Variants in LRMDA observed in about 807,000 individuals in gnomAD.
LRMDA encodes the protein leucine-rich melanocyte differentiation-associated protein.
LRMDA carries 18 observed loss-of-function variants against 29.8 expected under a neutral mutation model. That is an observed-to-expected ratio of 0.60 (90% confidence interval 0.42 to 0.90). The LOEUF (loss-of-function observed/expected upper bound fraction) is 0.90, where lower values mean the gene tolerates loss of function less well. LRMDA is among the 40% of genes least tolerant of loss of function. The probability of loss-of-function intolerance (pLI) is 0.00; values close to 1 mark genes in which losing one functional copy is unlikely to be tolerated. For missense variants in LRMDA, 273 were observed against 273.9 expected (o/e 1.00, Z 0.02); for synonymous variants, 125 against 109.4 (o/e 1.14, Z -0.89).
At chr10:76,477,210 A>T (rs1371105945) in intron 6 of LRMDA, among the ~76,000 whole-genome samples, 7 of 152,114 alleles carry the variant, frequency 4.6e-5, no homozygotes, top group Admixed American at 4.6e-4. Flanking sequence ...AAGTCTCAGG[A>T]TACAAAATCA....
intron 5 of LRMDA, among the ~76,000 whole-genome samples, chr10:76,213,310 A>C (rs777951824): frequency 2.0e-5 from 3 of 152,204 alleles, no homozygotes; most frequent in Non-Finnish European, 4.4e-5. Context: ...CAAGTTGTGA[A>C]TGGAAGATGC....
chr10:76,054,465 G>A (rs1013051349), intron 4 of LRMDA, among the ~76,000 whole-genome samples: 2 of 151,930 alleles, frequency 1.3e-5, no homozygotes, highest in African/African-American at 4.8e-5. Context: ...TTTGATTTCA[G>A]GGCTGTGATC....
At chr10:76,216,083 G>A (rs1480240673) in intron 5 of LRMDA, among the ~76,000 whole-genome samples, 1 of 152,224 alleles carries the variant, frequency 6.6e-6, no homozygotes, top group African/African-American at 2.4e-5. Context: ...GCCAAATGTG[G>A]TGGCTCATGC....
At chr10:76,160,120 C>T (rs1338624396) in intron 5 of LRMDA, among the ~76,000 whole-genome samples, 1 of 151,852 alleles carries the variant, frequency 6.6e-6, no homozygotes, top group Non-Finnish European at 1.5e-5. Context: ...ATGTATGTAT[C>T]CCCCCATTTC....
At chr10:76,240,220 A>G (rs1352803173) in intron 5 of LRMDA, among the ~76,000 whole-genome samples, 1 of 151,058 alleles carries the variant, frequency 6.6e-6, no homozygotes, top group Non-Finnish European at 1.5e-5. Flanking sequence ...CCACACACAC[A>G]CATACGCACA....
chr10:76,359,544 C>T (rs1841284279), intron 6 of LRMDA, among the ~76,000 whole-genome samples: 1 of 152,180 alleles, frequency 6.6e-6, no homozygotes, highest in Non-Finnish European at 1.5e-5. Context: ...ACCCAGGCCT[C>T]CGGTTTCCTC....
intron 2 of LRMDA, among the ~76,000 whole-genome samples, chr10:75,496,982 C>T (rs1845051992): frequency 6.6e-6 from 1 of 151,796 alleles, no homozygotes. Context: ...GAACTCCTGG[C>T]CTAGCTTTTT....
At chr10:75,439,491 ACAACT>A (rs758723688) in intron 2 of LRMDA, among the ~76,000 whole-genome samples, 8 of 152,214 alleles carry the variant, frequency 5.3e-5, no homozygotes, top group Non-Finnish European at 8.8e-5. Context: ...AAAATGGAAC[ACAACT>A]CTGGAAAATG....
rs142563981 is a variant in LRMDA at position 76,173,581 on chromosome 10, C to T, written c.516+114798C>T. On this transcript the variant is annotated intron_variant, in intron 5 of 6. Transcript: ENST00000611255. ...AACTTTATGCCAATAAGTTTGACAA[C>T]TTGGATAAAATGGACAGATTTCTTC... Among the ~76,000 whole-genome samples, 158 of 152,282 alleles carry T rather than the reference C, an allele frequency of 1.0e-3. 3 individuals are homozygous for T. In the East Asian group the frequency reaches 0.028, roughly 27 times the overall value.
rs545623181 is a variant in LRMDA at position 75,569,150 on chromosome 10, T to C, written c.131+130656T>C. Among the ~76,000 whole-genome samples the C allele has an allele frequency of 2.6e-5, 4 of 152,300 alleles. No individual in the cohort carries two copies. The South Asian group carries it at 8.3e-4, about 32-fold the overall frequency. On this transcript the variant is annotated intron_variant, in intron 2 of 6. Transcript: ENST00000611255. ...GCCCACAACTCCTGGGACTCTTTCTTTTTTCTCTCTTTCTCTGTATTGTCA... is the reference window on the plus strand; with the variant it reads ...GCCCACAACTCCTGGGACTCTTTCTCTTTTCTCTCTTTCTCTGTATTGTCA...
intron 6 of LRMDA, among the ~76,000 whole-genome samples, chr10:76,334,253 A>G (rs1270829909): frequency 1.3e-5 from 2 of 152,228 alleles, no homozygotes; most frequent in African/African-American, 4.8e-5. Flanking sequence ...AGCTCGGCCC[A>G]GTATTAACTT....
At chr10:76,523,748 T>A (rs1242949527) in intron 6 of LRMDA, among the ~76,000 whole-genome samples, 2 of 152,204 alleles carry the variant, frequency 1.3e-5, no homozygotes, top group Non-Finnish European at 1.5e-5. Flanking sequence ...CTCAGTTAAA[T>A]CTTGAGCACC....
rs893936108 is a variant in LRMDA, at chr10:76,009,794, T to C, written c.132-26214T>C. Among the ~76,000 whole-genome samples the C allele has an allele frequency of 6.6e-5, 10 of 152,060 alleles. No homozygotes were observed. In the East Asian group the frequency reaches 1.7e-3, roughly 26 times the overall value. ...TCCCAGTCTGACTTCAGCTGCCGAG[T>C]CATCAGTCCTGACAGACGGCTGCCT... On this transcript the variant is annotated intron_variant, in intron 2 of 6. Coordinates refer to ENST00000611255, the MANE Select transcript of LRMDA (RefSeq NM_001305581.2).
At chr10:75,443,694 T>C (rs1041281707) in intron 2 of LRMDA, among the ~76,000 whole-genome samples, 2 of 152,206 alleles carry the variant, frequency 1.3e-5, no homozygotes, top group African/African-American at 4.8e-5. Flanking sequence ...AGGACAATGT[T>C]GGTCTTGTTA....
At chr10:75,931,397 A>G (rs1846203195) in intron 2 of LRMDA, among the ~76,000 whole-genome samples, 1 of 152,200 alleles carries the variant, frequency 6.6e-6, no homozygotes, top group Non-Finnish European at 1.5e-5. Flanking sequence ...AGTGTTTCAT[A>G]TTAAAGGCTC....
chr10:75,815,176 C>G (rs1253272903), intron 2 of LRMDA, among the ~76,000 whole-genome samples: 1 of 152,130 alleles, frequency 6.6e-6, no homozygotes, highest in Non-Finnish European at 1.5e-5. Flanking sequence ...GAAATGGAGC[C>G]TCCTCACAGG....
chr10:76,323,394 C>T (rs1840795697), intron 5 of LRMDA, among the ~76,000 whole-genome samples: 1 of 152,004 alleles, frequency 6.6e-6, no homozygotes, highest in African/African-American at 2.4e-5. Flanking sequence ...GTATTTCCCG[C>T]TCCGGAAAGA....
chr10:76,441,311 T>C (rs1842299907), intron 6 of LRMDA, among the ~76,000 whole-genome samples: 1 of 152,214 alleles, frequency 6.6e-6, no homozygotes, highest in Non-Finnish European at 1.5e-5. Flanking sequence ...GGAGACAATG[T>C]GGGGTGACAC....
chr10:76,412,947 C>G (rs1023514781), intron 6 of LRMDA, among the ~76,000 whole-genome samples: 2 of 152,084 alleles, frequency 1.3e-5, no homozygotes, highest in Admixed American at 6.5e-5. Flanking sequence ...GACTTCCTTC[C>G]TCCTCTCTGG....
Sources: allele counts gnomAD v4.1 joint callset (sites outside exome capture counted in the v4.1 genomes callset), GRCh38; gene constraint gnomAD v4.1.1; transcripts MANE v1.5; gene names NCBI Gene and HGNC (gene_info 2026-07-23, HGNC 2026-07-21).